The following IGSF1 variants were observed in gnomAD, a reference collection of about 807,000 sequenced individuals.
IGSF1 encodes immunoglobulin superfamily member 1, also known as immunoglobulin-like domain-containing protein 1.
IGSF1 carries 40 observed loss-of-function variants against 95.3 expected under a neutral mutation model. That is an observed-to-expected ratio of 0.42 (90% confidence interval 0.33 to 0.55). The LOEUF (loss-of-function observed/expected upper bound fraction) is 0.55, where lower values mean the gene tolerates loss of function less well. IGSF1 is among the 20% of genes least tolerant of loss of function. The probability of loss-of-function intolerance (pLI) is 0.10; values close to 1 mark genes in which losing one functional copy is unlikely to be tolerated. For missense variants in IGSF1, 906 were observed against 1,025.4 expected (o/e 0.88, Z 1.59); for synonymous variants, 372 against 382.9 (o/e 0.97, Z 0.33).
At chrX:131,286,373 G>A (rs2080637656) in intron 3 of IGSF1, 64 bp downstream of exon 3, 24 of 975,653 alleles carry the variant, frequency 2.5e-5, no homozygotes, top group Non-Finnish European at 2.6e-5. Flanking sequence ...CCAAGGTCAT[G>A]GAGACACGCC....
At chrX:131,278,329 TC>T in intron 12 of IGSF1, 131 bp downstream of exon 12, 2 of 458,459 alleles carry the variant, frequency 4.4e-6, no homozygotes, top group Admixed American at 7.8e-5. Context: ...TCAGTGCCCC[TC>T]CTCTCCTACA....
Position 131,283,202 on chromosome X carries a change from G to T in IGSF1, c.730C>A (p.Leu244Met), listed in dbSNP as rs1464839286. 5.0e-6 allele frequency: 6 copies of T among 1,209,039 alleles called. No homozygotes were observed. The Admixed American group carries it at 1.3e-4, about 26-fold the overall frequency. Residue 244 changes from leucine (L) to methionine (M), a missense_variant, in exon 6 of 20, where the codon CTG becomes ATG. Leu to Met is a conservative substitution (Grantham distance 15). Around this residue, in one of 5 missense-constraint regions of IGSF1, gnomAD observed 442 missense variants for 448.1 expected, o/e 0.99. Transcript: ENST00000361420. ...PGPIMAPGES[L>M]NLRCQGPIYG... is the part of the protein sequence containing the mutation. The stretch of plus-strand genomic sequence containing the variant: ...ATTGGCCCTTGGCACCTGAGATTCA[G>T]GCTTTCTCCAGGTGCCATGATGGGC...
intron 5 of IGSF1, among the ~76,000 whole-genome samples, chrX:131,283,975 G>A (rs2080598007): frequency 8.9e-6 from 1 of 111,984 alleles, no homozygotes; most frequent in African/African-American, 3.3e-5. Context: ...TATGAGTAAA[G>A]AAGACACAGT....
chrX:131,273,999 C>T lies in IGSF1; in HGVS notation c.3876-68G>A, dbSNP rs1206142818. 9 of 1,200,463 alleles carry T rather than the reference C, an allele frequency of 7.5e-6. No homozygotes were observed. The African/African-American group carries it at 1.6e-4, about 21-fold the overall frequency. Reference sequence around the variant, plus strand: ...TGAAAACAGATTGCACGGTGGGGCTCAGATACTAGGGGAGCATTTGTATGA... The same window carrying T: ...TGAAAACAGATTGCACGGTGGGGCTTAGATACTAGGGGAGCATTTGTATGA... On this transcript the variant is annotated intron_variant, in intron 19 of 19. Coordinates refer to ENST00000361420, the MANE Select transcript of IGSF1 (RefSeq NM_001555.5).
chrX:131,284,197 G>T, intron 5 of IGSF1: 2 of 373,222 alleles, frequency 5.4e-6, no homozygotes, highest in Non-Finnish European at 6.9e-6. Context: ...GAACTTATAT[G>T]CCAGGCACTG....
intron 7 of IGSF1, 140 bp from the exon 8 acceptor site, chrX:131,282,084 G>T: frequency 3.6e-6 from 2 of 551,748 alleles, no homozygotes; most frequent in Non-Finnish European, 5.7e-6. Context: ...ATTTGACTGT[G>T]CATTAGAATT....
rs2080587087 is a variant in IGSF1, at chrX:131,283,159, G to A, written c.773C>T (p.Ala258Val). 1 of 1,208,833 alleles carries A rather than the reference G, an allele frequency of 8.3e-7. No individual in the cohort carries two copies. Among genetic ancestry groups the A allele is most frequent in the Admixed American group, 2.2e-5 (1 of 45,884 alleles). Residue 258 changes from alanine to valine, a missense_variant, in exon 6 of 20, where the codon GCT (alanine) becomes GTT (valine). This residue lies in a region of IGSF1 where 442 missense variants were observed against 448.1 expected (regional missense o/e 0.99). Transcript: ENST00000361420. ...CQGPIYGMTF[A>V]LMRVEDLEKS... is the part of the protein sequence containing the mutation. ...CTCCAAGTCTTCAACCCTCATTAGA[G>A]CAAAGGTCATTCCATAGATTGGCCC...
rs2080471352 is a variant in IGSF1 at position 131,276,155 on chromosome X, C to T, written c.2702G>A (p.Gly901Asp). Residue 901 changes from glycine (G) to aspartate (D), a missense_variant, in exon 15 of 20, where the codon GGC (glycine) becomes GAC (aspartate). Gly to Asp is a moderately conservative substitution (Grantham distance 94). This residue lies in a region of IGSF1 where 411 missense variants were observed against 494.9 expected (regional missense o/e 0.83). Coordinates refer to ENST00000361420, the MANE Select transcript of IGSF1 (RefSeq NM_001555.5). ...VILRCQGTFQ[G>D]MRFALLQEGA... ...CTCCTGCAAGAGGGCGAACCTCATG[C>T]CCTGGAAAGTCCCTTGGCAGCGCAG... 1 of 1,209,223 alleles carries T rather than the reference C, an allele frequency of 8.3e-7. No individual in the cohort carries two copies. The highest frequency in any genetic ancestry group is 1.7e-5 in the African/African-American group (1 of 57,208).
intron 3 of IGSF1, among the ~76,000 whole-genome samples, 175 bp from the exon 4 acceptor site, chrX:131,286,223 A>G (rs1258700806): frequency 9.0e-6 from 1 of 111,114 alleles, no homozygotes; most frequent in African/African-American, 3.3e-5. Context: ...TATTTTGTCA[A>G]GGGGTCCAAA....
Position 131,282,583 on chromosome X carries a change from G to A in IGSF1, c.1107C>T (p.Thr369=), listed in dbSNP as rs138531528. Residue 369 remains threonine (T), a synonymous_variant, in exon 7 of 20, where the codon ACC becomes ACT. Coordinates refer to ENST00000361420, the MANE Select transcript of IGSF1 (RefSeq NM_001555.5). ...AGAATGATGTGTTGTCATCGATGCTGGTGGCATCCAAAAATTGAAGTGGTT... is the reference window on the plus strand; with the variant it reads ...AGAATGATGTGTTGTCATCGATGCTAGTGGCATCCAAAAATTGAAGTGGTT... ...EDKPLQFLDA[T]SIDDNTSFFL... is the part of the protein sequence containing the mutation. The A allele has an allele frequency of 8.4e-5, 101 of 1,208,477 alleles. No homozygotes were observed. In the African/African-American group the frequency reaches 1.7e-3, roughly 20 times the overall value.
At chrX:131,276,377 T>G (rs1297585889) in intron 14 of IGSF1, 129 bp from the exon 15 acceptor site, 16 of 513,676 alleles carry the variant, frequency 3.1e-5, no homozygotes, top group Admixed American at 9.4e-5. Context: ...AAAAAAAAAC[T>G]AATGAAGGAA....
intron 1 of IGSF1, among the ~76,000 whole-genome samples, chrX:131,288,233 G>C (rs1330866025): frequency 3.6e-5 from 4 of 112,442 alleles, no homozygotes; most frequent in Admixed American, 9.4e-5. Context: ...TGTTGGGTTA[G>C]AGATAATACA....
Position 131,276,139 on chromosome X carries a change from G to C in IGSF1, c.2718C>G (p.Leu906=). 8.3e-7 allele frequency: 1 copy of C among 1,210,917 alleles called. No homozygotes were observed. Among genetic ancestry groups the C allele is most frequent in the Non-Finnish European group, 1.1e-6 (1 of 895,127 alleles). The change falls in exon 15 of 20, where the codon CTC becomes CTG. Residue 906 remains leucine, a synonymous_variant. Transcript: ENST00000361420. ...AGGGAACATGGGCTCCCTCCTGCAA[G>C]AGGGCGAACCTCATGCCCTGGAAAG... is the stretch of plus-strand genomic sequence containing the variant. ...QGTFQGMRFA[L]LQEGAHVPLQ...
chrX:131,285,759 C>T lies in IGSF1; in HGVS notation c.379+8G>A, dbSNP rs747812616. 1.7e-6 allele frequency: 2 copies of T among 1,197,673 alleles called. No homozygotes were observed. Among genetic ancestry groups the T allele is most frequent in the South Asian group, 3.6e-5 (2 of 55,223 alleles). On this transcript the variant is annotated splice_region_variant and intron_variant, in intron 4 of 19. Transcript: ENST00000361420. ...GGAGTTGATTCTTGAGTATCACTGT[C>T]ATCTTACCTGGTGCCTCCAACTCTA...
intron 18 of IGSF1, 144 bp from the exon 19 acceptor site, chrX:131,274,350 G>T: frequency 1.2e-6 from 1 of 821,574 alleles, no homozygotes; most frequent in Non-Finnish European, 1.7e-6. Context: ...GTGGGCAGTG[G>T]CAGAGTTTAT....
chrX:131,286,169 G>C, intron 3 of IGSF1, 121 bp from the exon 4 acceptor site: 1 of 670,790 alleles, frequency 1.5e-6, no homozygotes, highest in Non-Finnish European at 2.2e-6. Context: ...TTCCCTTGGG[G>C]ACAGGAGTGT....
chrX:131,286,557 G>C (rs371366567), intron 2 of IGSF1, 48 bp downstream of exon 2: 12 of 1,178,127 alleles, frequency 1.0e-5, no homozygotes, highest in Non-Finnish European at 1.4e-5. Flanking sequence ...CTAATGAGTG[G>C]GTACCTATGA....
At chrX:131,287,233 A>C (rs751703105) in intron 1 of IGSF1, among the ~76,000 whole-genome samples, 1 of 108,148 alleles carries the variant, frequency 9.2e-6, no homozygotes, top group African/African-American at 3.4e-5. Flanking sequence ...GAGAGGGGGC[A>C]TTACTACCAT....
rs912948945 is a variant in IGSF1, at chrX:131,285,681, T to C, written c.379+86A>G. 6 of 972,390 alleles carry C rather than the reference T, an allele frequency of 6.2e-6. No individual in the cohort carries two copies. The African/African-American group carries it at 9.7e-5, about 16-fold the overall frequency. 80.1% of individuals were successfully genotyped at this position (972,390 alleles called of 1,213,427 possible). A position where few individuals can be genotyped will look rare whatever the true frequency, so the allele number is the denominator to read the frequency against. On this transcript the variant is annotated intron_variant, in intron 4 of 19. Transcript: ENST00000361420. ...ACTAACTGTGGGATGCATGCTTGCA[T>C]GCATTTGTGAAACAAACTCTCCCCT...
Sources: allele counts gnomAD v4.1 joint callset (sites outside exome capture counted in the v4.1 genomes callset), GRCh38; gene constraint gnomAD v4.1.1; regional missense constraint gnomAD v4.1.1; transcripts MANE v1.5; gene names NCBI Gene and HGNC (gene_info 2026-07-23, HGNC 2026-07-21).